Variants in NCKAP5 observed in about 807,000 individuals in gnomAD.
NCKAP5 encodes nck-associated protein 5.
Under a neutral mutation model 167.0 loss-of-function variants are expected in NCKAP5, and 92 were observed. That is an observed-to-expected ratio of 0.55 (90% CI 0.47 to 0.66). The LOEUF (loss-of-function observed/expected upper bound fraction) is 0.66. NCKAP5 is among the 30% of genes least tolerant of loss of function. The probability of loss-of-function intolerance (pLI) is 0.00; values close to 1 mark genes in which losing one functional copy is unlikely to be tolerated. For synonymous variants in NCKAP5, 891 were observed against 877.4 expected, an observed-to-expected ratio of 1.02 and a Z score of -0.27; for missense variants, 2,378 against 2,315.0, an observed-to-expected ratio of 1.03 and a Z score of -0.56.
chr2:132,716,960 G>A (rs1029131927), intron 19 of NCKAP5, among the ~76,000 whole-genome samples: 28 of 152,036 alleles, frequency 1.8e-4, no homozygotes, highest in African/African-American at 4.8e-5. Flanking sequence ...TGTTTGTTTT[G>A]TTATTGTTTA....
chr2:133,071,402 G>A (rs889918458), intron 6 of NCKAP5, among the ~76,000 whole-genome samples: 6 of 152,196 alleles, frequency 3.9e-5, no homozygotes, highest in East Asian at 1.9e-4. Flanking sequence ...CCGAGATCCC[G>A]CCACTGCACT....
the NCKAP5 span, among the ~76,000 whole-genome samples, chr2:133,626,385 A>C: frequency 6.6e-6 from 1 of 152,166 alleles, no homozygotes; most frequent in East Asian, 1.9e-4. Context: ...ACACCAAAAA[A>C]CTTAATAAGC....
rs1395323625 is a variant in NCKAP5 at position 132,924,182 on chromosome 2, C to A, written c.579+39538G>T. Among the ~76,000 whole-genome samples the A allele has an allele frequency of 2.0e-5, 3 of 152,136 alleles. No individual in the cohort carries two copies. The East Asian group carries it at 5.8e-4, about 29-fold the overall frequency. On this transcript the variant is annotated intron_variant, in intron 8 of 19. Transcript: ENST00000409261. ...TGAAAATGCTATGCTACAGAAGAGACATTCTGCGAGTGAAAAAAGCCATTA... is the reference window on the plus strand; with the variant it reads ...TGAAAATGCTATGCTACAGAAGAGAAATTCTGCGAGTGAAAAAAGCCATTA...
intron 4 of NCKAP5, among the ~76,000 whole-genome samples, chr2:133,258,814 AT>A (rs2088761223): frequency 6.6e-6 from 1 of 152,092 alleles, no homozygotes; most frequent in Non-Finnish European, 1.5e-5. Flanking sequence ...GATCAAAACT[AT>A]TTTAAGAAAT....
chr2:132,922,652 G>T (rs1695533202), intron 8 of NCKAP5, among the ~76,000 whole-genome samples: 1 of 152,016 alleles, frequency 6.6e-6, no homozygotes, highest in Non-Finnish European at 1.5e-5. Context: ...CCTTCATATT[G>T]CAATGCATTA....
At chr2:133,356,489 G>A (rs1684725453) in intron 3 of NCKAP5, among the ~76,000 whole-genome samples, 2 of 152,184 alleles carry the variant, frequency 1.3e-5, no homozygotes, top group Admixed American at 6.5e-5. Flanking sequence ...AGAGGAAAAT[G>A]GGAGAATTCA....
intron 5 of NCKAP5, among the ~76,000 whole-genome samples, chr2:133,177,230 T>A (rs2084508582): frequency 6.6e-6 from 1 of 151,188 alleles, no homozygotes; most frequent in Non-Finnish European, 1.5e-5. Flanking sequence ...CATCTCTCCA[T>A]CCGTGATCAC....
intron 3 of NCKAP5, among the ~76,000 whole-genome samples, chr2:133,364,119 T>C (rs1685300506): frequency 6.6e-6 from 1 of 152,158 alleles, no homozygotes; most frequent in Non-Finnish European, 1.5e-5. Context: ...TCCATCTTTA[T>C]TGATGAGAAA....
the NCKAP5 span, among the ~76,000 whole-genome samples, chr2:133,621,281 C>A: frequency 6.6e-6 from 1 of 151,784 alleles, no homozygotes; most frequent in African/African-American, 2.4e-5. Flanking sequence ...CAGAGCAGAA[C>A]TGAATGAAAT....
chr2:133,123,599 G>C (rs2082315020), intron 6 of NCKAP5: 1 of 285,964 alleles, frequency 3.5e-6, no homozygotes, highest in African/African-American at 2.2e-5. Context: ...TGTGGAAATA[G>C]CAATTCCAAA....
chr2:133,428,311 A>C (rs1689940750), intron 3 of NCKAP5, among the ~76,000 whole-genome samples: 1 of 152,182 alleles, frequency 6.6e-6, no homozygotes. Context: ...CAGAAACTTA[A>C]TTATGATAAT....
At chr2:133,497,106 T>G (rs1233706738) in intron 3 of NCKAP5, among the ~76,000 whole-genome samples, 1 of 152,176 alleles carries the variant, frequency 6.6e-6, no homozygotes, top group East Asian at 1.9e-4. Context: ...ACTATACAGA[T>G]TGATAGGGTT....
At chr2:133,415,214 C>A (rs1416109689) in intron 3 of NCKAP5, among the ~76,000 whole-genome samples, 1 of 152,196 alleles carries the variant, frequency 6.6e-6, no homozygotes, top group East Asian at 1.9e-4. Context: ...GAAATTATAT[C>A]CTGGAAATTC....
intron 19 of NCKAP5, among the ~76,000 whole-genome samples, chr2:132,675,329 T>C (rs961148634): frequency 6.6e-6 from 1 of 152,228 alleles, no homozygotes; most frequent in African/African-American, 2.4e-5. Flanking sequence ...AAAATGGTGA[T>C]AAGATACATC....
chr2:133,239,214 G>A lies in NCKAP5; in HGVS notation c.144-25435C>T, dbSNP rs147882764. Reference sequence around the variant, plus strand: ...TAGAAAGAATTTTTAATGAGCAGCTGCCTCAAAATTAATTAATGTATATAG... The same window carrying A: ...TAGAAAGAATTTTTAATGAGCAGCTACCTCAAAATTAATTAATGTATATAG... On this transcript the variant is annotated intron_variant, in intron 4 of 19. Coordinates refer to ENST00000409261, the MANE Select transcript of NCKAP5 (RefSeq NM_207363.3). Among the ~76,000 whole-genome samples, 465 of 152,228 alleles carry A rather than the reference G, an allele frequency of 3.1e-3. 6 individuals carry two copies. Among genetic ancestry groups the A allele is most frequent in the Middle Eastern group, 0.01 (3 of 294 alleles).
chr2:133,270,048 T>C (rs1043084015), intron 4 of NCKAP5, among the ~76,000 whole-genome samples: 3 of 152,186 alleles, frequency 2.0e-5, no homozygotes, highest in Non-Finnish European at 4.4e-5. Flanking sequence ...TCAGCTTATA[T>C]GGGTTAAGAC....
chr2:133,136,180 C>T (rs1301264279), intron 5 of NCKAP5, among the ~76,000 whole-genome samples: 1 of 152,116 alleles, frequency 6.6e-6, no homozygotes, highest in East Asian at 1.9e-4. Flanking sequence ...AAACAGATGG[C>T]TTGATGTATG....
chr2:133,174,110 T>G (rs1284972801), intron 5 of NCKAP5, among the ~76,000 whole-genome samples: 1 of 152,224 alleles, frequency 6.6e-6, no homozygotes, highest in Non-Finnish European at 1.5e-5. Flanking sequence ...GAATCCCATG[T>G]GGCATTTATG....
At chr2:132,906,257 A>T (rs1345572783) in intron 8 of NCKAP5, among the ~76,000 whole-genome samples, 1 of 152,212 alleles carries the variant, frequency 6.6e-6, no homozygotes, top group Non-Finnish European at 1.5e-5. Context: ...TAAGACTTGA[A>T]ATTTTACAAA....
Sources: allele counts gnomAD v4.1 joint callset (sites outside exome capture counted in the v4.1 genomes callset), GRCh38; gene constraint gnomAD v4.1.1; transcripts MANE v1.5; gene names NCBI Gene and HGNC (gene_info 2026-07-23, HGNC 2026-07-21).